Variants in IYD observed in about 807,000 individuals in gnomAD.
IYD encodes the protein iodotyrosine deiodinase.
In IYD, 25 loss-of-function variants were observed where a neutral mutation model predicts 28.4. That is an observed-to-expected ratio of 0.88 (90% CI 0.64 to 1.23). The LOEUF (loss-of-function observed/expected upper bound fraction) is 1.23, where lower values mean the gene tolerates loss of function less well. Ranked by LOEUF, IYD falls within the 50% of genes most tolerant of loss-of-function variation. IYD has a pLI of 0.00. For missense variants in IYD, 352 were observed against 357.9 expected, an observed-to-expected ratio of 0.98 and a Z score of 0.13; for synonymous variants, 140 against 130.8, an observed-to-expected ratio of 1.07 and a Z score of -0.48.
chr6:150,386,354 G>A (rs960055933), intron 1 of IYD, among the ~76,000 whole-genome samples: 2 of 150,766 alleles, frequency 1.3e-5, no homozygotes, highest in Admixed American at 6.6e-5. Flanking sequence ...TTTTCTTTAA[G>A]GTATTTTGTT....
intron 1 of IYD, among the ~76,000 whole-genome samples, chr6:150,382,338 A>C (rs746898565): frequency 1.3e-5 from 2 of 151,930 alleles, no homozygotes; most frequent in Admixed American, 1.3e-4. Flanking sequence ...TCTCCCTTCC[A>C]TAGGTTTTGA....
At chr6:150,393,793 G>A (rs1352376392) in intron 3 of IYD, among the ~76,000 whole-genome samples, 2 of 152,172 alleles carry the variant, frequency 1.3e-5, no homozygotes, top group South Asian at 2.1e-4. Flanking sequence ...AAACCTCACT[G>A]CCATCCTTGC....
At position 150,382,664 on chromosome 6, in the gene IYD, C is replaced by T. The variant is rs576407985; in HGVS notation, c.179-6688C>T. 3.3e-5 allele frequency among the ~76,000 whole-genome samples: 5 copies of T among 152,284 alleles called. No homozygotes were observed. In the East Asian group the frequency reaches 5.8e-4, roughly 18 times the overall value. ...TGTTTTCTGTCTTTCTCTTTCCATG[C>T]TACATTTTGGATAGGTTAGAAGAAA... On this transcript the variant is annotated intron_variant, in intron 1 of 4. Coordinates refer to ENST00000344419, the MANE Select transcript of IYD (RefSeq NM_203395.3).
chr6:150,395,688 A>C lies in IYD; in HGVS notation c.687+1433A>C, dbSNP rs942039614. The C allele has an allele frequency of 3.6e-6, 3 of 825,680 alleles. No individual in the cohort carries two copies. In the African/African-American group the frequency reaches 5.1e-5, roughly 14 times the overall value. 51.1% of individuals were successfully genotyped at this position (825,680 alleles called of 1,614,324 possible). A position where few individuals can be genotyped will look rare whatever the true frequency, so the allele number is the denominator to read the frequency against. ...GATGGAGGAAAGAAAAATCTCCATG[A>C]AGCCCGCATCTCCAGTATGGTGACT... is the stretch of plus-strand genomic sequence containing the variant. On this transcript the variant is annotated intron_variant, in intron 4 of 4. Coordinates refer to ENST00000344419, the MANE Select transcript of IYD (RefSeq NM_203395.3).
intron 1 of IYD, among the ~76,000 whole-genome samples, chr6:150,371,450 AG>A (rs1562308185): frequency 6.6e-6 from 1 of 152,160 alleles, no homozygotes; most frequent in Non-Finnish European, 1.5e-5. Flanking sequence ...CTGAGAGACC[AG>A]AAAGAGTGTG....
In IYD at chr6:150,403,444, C is replaced by T. The variant is rs971941255; in HGVS notation, c.*5207C>T. ...CAAAATAGGCTGGACACTCAAAAAA[C>T]GTTGCGTTTATCTACCTTTTAGAGA... On this transcript the variant is annotated 3_prime_UTR_variant, in exon 5 of 5. Transcript: ENST00000344419. 1 of 152,202 alleles carries T rather than the reference C, an allele frequency of 6.6e-6. No individual in the cohort carries two copies. The highest frequency in any genetic ancestry group is 1.5e-5 in the Non-Finnish European group (1 of 68,048). The allele number at this position is 152,202 out of a possible 1,614,324, so 9.4% of individuals were successfully genotyped here.
At chr6:150,395,530 G>C in intron 4 of IYD, 1 of 1,537,318 alleles carries the variant, frequency 6.5e-7, no homozygotes, top group Non-Finnish European at 8.7e-7. Context: ...AAGAAGCAGC[G>C]AAGCCTGCAG....
chr6:150,393,925 A>G (rs536547061), intron 3 of IYD, among the ~76,000 whole-genome samples, 174 bp from the exon 4 acceptor site: 8 of 152,390 alleles, frequency 5.2e-5, no homozygotes, highest in African/African-American at 1.9e-4. Context: ...ATGAAATTGA[A>G]TGATCCTGGT....
chr6:150,384,144 G>A (rs1777771802), intron 1 of IYD, among the ~76,000 whole-genome samples: 1 of 152,172 alleles, frequency 6.6e-6, no homozygotes, highest in Non-Finnish European at 1.5e-5. Context: ...AGTGAGTGCT[G>A]AGCATTTTCA....
chr6:150,377,386 G>A (rs1353380276), intron 1 of IYD, among the ~76,000 whole-genome samples: 2 of 152,200 alleles, frequency 1.3e-5, no homozygotes, highest in Non-Finnish European at 2.9e-5. Context: ...ACAAGTGGAA[G>A]CTCACTGTGC....
chr6:150,370,513 G>A (rs752447943), intron 1 of IYD: 200 of 985,298 alleles, frequency 2.0e-4, no homozygotes, highest in Non-Finnish European at 2.3e-4. Flanking sequence ...AGTGCTAACA[G>A]CCTGTAGTGC....
chr6:150,371,318 TAA>T (rs1777232250), intron 1 of IYD, among the ~76,000 whole-genome samples: 2 of 152,142 alleles, frequency 1.3e-5, no homozygotes, highest in Non-Finnish European at 2.9e-5. Context: ...CCCAATAGGG[TAA>T]GCTCAGGAAG....
In IYD at chr6:150,398,272, G is replaced by A. The variant is rs746533729; in HGVS notation, c.*35G>A. On this transcript the variant is annotated 3_prime_UTR_variant, in exon 5 of 5. Transcript: ENST00000344419. ...CCCAAGGGAGTGGCAGGGAGATGGC[G>A]CCCCTGCTTTTCCCTGAGCCTCTCG... 36 of 1,601,490 alleles carry A rather than the reference G, an allele frequency of 2.2e-5. No individual in the cohort carries two copies. Among genetic ancestry groups the A allele is most frequent in the South Asian group, 2.2e-4 (20 of 90,788 alleles).
chr6:150,382,040 T>A (rs1338751757), intron 1 of IYD, among the ~76,000 whole-genome samples: 2 of 152,084 alleles, frequency 1.3e-5, no homozygotes, highest in Non-Finnish European at 2.9e-5. Context: ...ACCACGCAGA[T>A]CCCCCCTTGA....
At chr6:150,388,623 A>T (rs1777966539) in intron 1 of IYD, among the ~76,000 whole-genome samples, 2 of 113,428 alleles carry the variant, frequency 1.8e-5, no homozygotes, top group Admixed American at 8.5e-5. Flanking sequence ...TATAGTCTGG[A>T]GTTTTTGCTT....
Position 150,402,477 on chromosome 6 carries a change from C to G in IYD, c.*4240C>G, listed in dbSNP as rs897948588. 2.0e-5 allele frequency: 3 copies of G among 152,178 alleles called. No individual in the cohort carries two copies. Among genetic ancestry groups the G allele is most frequent in the African/African-American group, 7.2e-5 (3 of 41,416 alleles). 9.4% of individuals were successfully genotyped at this position (152,178 alleles called of 1,614,324 possible). A position where few individuals can be genotyped will look rare whatever the true frequency, so the allele number is the denominator to read the frequency against. On this transcript the variant is annotated 3_prime_UTR_variant, in exon 5 of 5. Coordinates refer to ENST00000344419, the MANE Select transcript of IYD (RefSeq NM_203395.3). ...GGTGCTGGATGTCTCTTCCCCAAAA[C>G]ATATAACTCTGGATTTGGAAAACAA... is the stretch of plus-strand genomic sequence containing the variant.
chr6:150,382,331 C>T (rs1777674994), intron 1 of IYD, among the ~76,000 whole-genome samples: 1 of 152,088 alleles, frequency 6.6e-6, no homozygotes, highest in African/African-American at 2.4e-5. Flanking sequence ...TCTTTCCTCT[C>T]CCTTCCATAG....
chr6:150,369,219 C>G lies in IYD; in HGVS notation c.178+10C>G. The G allele has an allele frequency of 1.2e-6, 2 of 1,610,696 alleles. No individual in the cohort carries two copies. Among genetic ancestry groups the G allele is most frequent in the Admixed American group, 1.7e-5 (1 of 59,996 alleles). On this transcript the variant is annotated intron_variant, in intron 1 of 4. Transcript: ENST00000344419. ...CACCAAGCAGAAGAAGGTAAAGACA[C>G]CAGCTATGCTGCTTAGCTTCGCTGT...
At chr6:150,385,821 A>G (rs938740533) in intron 1 of IYD, among the ~76,000 whole-genome samples, 26 of 151,920 alleles carry the variant, frequency 1.7e-4, no homozygotes, top group Admixed American at 2.6e-4. Context: ...TAGTCAGCAG[A>G]CTTTTCAGTT....
Sources: gnomAD v4.1 joint callset for allele counts (sites outside exome capture counted in the v4.1 genomes callset) on GRCh38, gnomAD v4.1.1 for gene constraint, MANE v1.5 for transcripts, NCBI Gene and HGNC (gene_info 2026-07-23, HGNC 2026-07-21) for gene names.